Variants in PLEKHG7 observed in about 807,000 individuals in gnomAD.
PLEKHG7 encodes the protein pleckstrin homology domain-containing family G member 7.
A neutral mutation model predicts 85.2 loss-of-function variants in PLEKHG7; 77 were observed. The ratio of observed to expected loss-of-function variants is 0.90; its 90% CI spans 0.75 to 1.09. The LOEUF (loss-of-function observed/expected upper bound fraction) is 1.09. PLEKHG7 is among the 50% of genes least tolerant of loss of function. The pLI is 0.00. For synonymous variants in PLEKHG7, 301 were observed against 302.4 expected (o/e 1.00, Z 0.05); for missense variants, 777 against 804.3 (o/e 0.97, Z 0.41).
At chr12:92,711,863 C>T (rs981559997) in intron 3 of PLEKHG7, among the ~76,000 whole-genome samples, 3 of 152,186 alleles carry the variant, frequency 2.0e-5, no homozygotes, top group Non-Finnish European at 4.4e-5. Context: ...AAACTGGCCA[C>T]CTTTCAGGTC....
chr12:92,767,592 CTT>C (rs1873241830), intron 15 of PLEKHG7, among the ~76,000 whole-genome samples: 2 of 151,740 alleles, frequency 1.3e-5, no homozygotes, highest in Admixed American at 6.6e-5. Context: ...CATTAACAGA[CTT>C]TATTTTTTGT....
intron 3 of PLEKHG7, among the ~76,000 whole-genome samples, chr12:92,716,605 A>G (rs1871499781): frequency 6.6e-6 from 1 of 152,204 alleles, no homozygotes. Context: ...CTCTGGAAAA[A>G]AAATCTTCAC....
chr12:92,752,964 A>G (rs953724457), intron 10 of PLEKHG7, among the ~76,000 whole-genome samples: 1 of 152,166 alleles, frequency 6.6e-6, no homozygotes, highest in African/African-American at 2.4e-5. Flanking sequence ...TTATAGGGAC[A>G]CTAATCCCAT....
intron 10 of PLEKHG7, among the ~76,000 whole-genome samples, chr12:92,752,486 C>T (rs1221109412): frequency 6.6e-6 from 1 of 152,062 alleles, no homozygotes; most frequent in Non-Finnish European, 1.5e-5. Flanking sequence ...CTCCACAGGC[C>T]ATTGGATTGG....
At chr12:92,737,352 G>A in intron 6 of PLEKHG7, 26 bp from the exon 7 acceptor site, 1 of 1,396,424 alleles carries the variant, frequency 7.2e-7, no homozygotes, top group East Asian at 2.6e-5. Context: ...GAAATGTTTT[G>A]TTCTCTCTTT....
chr12:92,730,745 A>G (rs1871967044), intron 4 of PLEKHG7, among the ~76,000 whole-genome samples: 1 of 152,250 alleles, frequency 6.6e-6, no homozygotes, highest in Admixed American at 6.5e-5. Context: ...CAAGTTCTGC[A>G]GGTGATTTTG....
At chr12:92,755,671 C>T (rs1872805423) in intron 11 of PLEKHG7, among the ~76,000 whole-genome samples, 154 bp from the exon 12 acceptor site, 1 of 152,210 alleles carries the variant, frequency 6.6e-6, no homozygotes, top group African/African-American at 2.4e-5. Flanking sequence ...TTCTAAGACG[C>T]ATGAACAGCA....
intron 3 of PLEKHG7, among the ~76,000 whole-genome samples, chr12:92,714,251 G>A (rs575538878): frequency 6.6e-6 from 1 of 152,190 alleles, no homozygotes; most frequent in Non-Finnish European, 1.5e-5. Context: ...CCCAGACAAA[G>A]GTGGAAAGGC....
At chr12:92,769,104 C>A in intron 16 of PLEKHG7, 24 bp downstream of exon 16, 1 of 1,476,310 alleles carries the variant, frequency 6.8e-7, no homozygotes, top group Non-Finnish European at 9.4e-7. Context: ...TTTTGTAGGT[C>A]TTTGATTCTT....
chr12:92,760,643 C>G (rs934919622), intron 13 of PLEKHG7, among the ~76,000 whole-genome samples: 2 of 152,102 alleles, frequency 1.3e-5, no homozygotes, highest in Non-Finnish European at 2.9e-5. Flanking sequence ...TAAATTTAAC[C>G]CTTTTTTCTA....
chr12:92,728,950 G>T, intron 3 of PLEKHG7, 43 bp from the exon 4 acceptor site: 1 of 1,214,332 alleles, frequency 8.2e-7, no homozygotes, highest in Non-Finnish European at 1.0e-6. Flanking sequence ...AGTGGTCTAA[G>T]ATGATATTTC....
chr12:92,739,804 A>C (rs894721074), intron 7 of PLEKHG7, among the ~76,000 whole-genome samples: 3 of 152,182 alleles, frequency 2.0e-5, no homozygotes, highest in Admixed American at 2.0e-4. Context: ...TATCTGTAGT[A>C]ATGAGTTCTG....
chr12:92,712,542 G>A (rs897223040), intron 3 of PLEKHG7, among the ~76,000 whole-genome samples: 2 of 152,176 alleles, frequency 1.3e-5, no homozygotes, highest in Non-Finnish European at 2.9e-5. Context: ...AGGCCAAATG[G>A]GAGAGTTGAA....
intron 10 of PLEKHG7, 72 bp from the exon 11 acceptor site, chr12:92,754,018 T>A: frequency 1.3e-6 from 2 of 1,490,844 alleles, no homozygotes; most frequent in Non-Finnish European, 1.8e-6. Flanking sequence ...CAAGAACCTC[T>A]CATATCCAGG....
At chr12:92,703,701 A>G (rs1251624128) in intron 1 of PLEKHG7, among the ~76,000 whole-genome samples, 1 of 152,246 alleles carries the variant, frequency 6.6e-6, no homozygotes, top group Non-Finnish European at 1.5e-5. Flanking sequence ...CACCTCCCTA[A>G]GCCCTGCTGT....
At chr12:92,754,031 T>G in intron 10 of PLEKHG7, 59 bp from the exon 11 acceptor site, 1 of 1,551,626 alleles carries the variant, frequency 6.4e-7, no homozygotes. Context: ...TATCCAGGCT[T>G]CTTAGTGGCT....
chr12:92,745,432 C>T, intron 9 of PLEKHG7, 46 bp from the exon 10 acceptor site: 1 of 1,294,038 alleles, frequency 7.7e-7, no homozygotes, highest in Non-Finnish European at 1.1e-6. Flanking sequence ...GCTCAATGCT[C>T]TCCTTAACTT....
intron 3 of PLEKHG7, among the ~76,000 whole-genome samples, chr12:92,719,662 G>C (rs1345876719): frequency 6.6e-6 from 1 of 152,136 alleles, no homozygotes; most frequent in East Asian, 1.9e-4. Flanking sequence ...ATATTCTCTA[G>C]CCTTTGTTAT....
intron 1 of PLEKHG7, 30 bp from the exon 2 acceptor site, chr12:92,706,441 T>A (rs1393713374): frequency 1.1e-5 from 7 of 618,708 alleles, no homozygotes; most frequent in Non-Finnish European, 1.8e-5. Context: ...ATTTGCTACA[T>A]ATTTCACAGT....
Sources: allele counts gnomAD v4.1 joint callset (sites outside exome capture counted in the v4.1 genomes callset), GRCh38; gene constraint gnomAD v4.1.1; transcripts MANE v1.5; gene names NCBI Gene and HGNC (gene_info 2026-07-23, HGNC 2026-07-21).